PHLPP1: variants seen among roughly 807,000 people sequenced by gnomAD.
PHLPP1 encodes the protein PH domain and leucine rich repeat protein phosphatase 1.
In PHLPP1, 42 loss-of-function variants were observed where a neutral mutation model predicts 117.2. That is an observed-to-expected ratio of 0.36 (90% CI 0.28 to 0.46). PHLPP1 has a LOEUF of 0.46. PHLPP1 is among the 20% of genes least tolerant of loss of function. The pLI, the probability that PHLPP1 is intolerant of heterozygous loss-of-function variation, is 1.00. For missense variants in PHLPP1, 2,084 were observed against 2,241.9 expected (o/e 0.93, Z 1.42); for synonymous variants, 1,042 against 970.7 (o/e 1.07, Z -1.37).
intron 2 of PHLPP1, among the ~76,000 whole-genome samples, chr18:62,832,999 T>C (rs941531593): frequency 1.3e-5 from 2 of 152,234 alleles, no homozygotes; most frequent in Non-Finnish European, 2.9e-5. Flanking sequence ...ATTTAATAGA[T>C]ACATTTATAT....
chr18:62,835,153 C>G (rs1914856255), intron 2 of PHLPP1, among the ~76,000 whole-genome samples: 1 of 150,018 alleles, frequency 6.7e-6, no homozygotes, highest in African/African-American at 2.4e-5. Flanking sequence ...GCAGGAAGAT[C>G]TAGTACAGTG....
At chr18:62,799,862 A>G (rs1414231148) in intron 1 of PHLPP1, among the ~76,000 whole-genome samples, 2 of 152,230 alleles carry the variant, frequency 1.3e-5, no homozygotes, top group East Asian at 1.9e-4. Flanking sequence ...CTTTTTAACA[A>G]GTATAATAGT....
At chr18:62,882,661 A>G (rs1303503172) in intron 4 of PHLPP1, among the ~76,000 whole-genome samples, 1 of 152,208 alleles carries the variant, frequency 6.6e-6, no homozygotes, top group Non-Finnish European at 1.5e-5. Context: ...GATAAAAAAG[A>G]AAAGTTACTC....
At chr18:62,868,487 T>C (rs1599092773) in intron 4 of PHLPP1, among the ~76,000 whole-genome samples, 1 of 152,032 alleles carries the variant, frequency 6.6e-6, no homozygotes, top group South Asian at 2.1e-4. Context: ...CTAGGCGTCA[T>C]GGCGCACACC....
intron 7 of PHLPP1, among the ~76,000 whole-genome samples, chr18:62,904,777 T>C (rs1018044266): frequency 1.3e-5 from 2 of 152,236 alleles, no homozygotes; most frequent in East Asian, 1.9e-4. Flanking sequence ...TCATATTTCA[T>C]AAAGTGTTCA....
chr18:62,858,955 C>A (rs1915564550), intron 3 of PHLPP1, among the ~76,000 whole-genome samples: 1 of 152,118 alleles, frequency 6.6e-6, no homozygotes, highest in South Asian at 2.1e-4. Flanking sequence ...AAAACTGGAT[C>A]TTAGATCAGT....
intron 6 of PHLPP1, 56 bp downstream of exon 6, chr18:62,896,067 T>C: frequency 9.3e-7 from 1 of 1,080,880 alleles, no homozygotes. Context: ...ATTGCAGGGG[T>C]GGGGAGTAGG....
chr18:62,772,529 T>A (rs1177107466), intron 1 of PHLPP1, among the ~76,000 whole-genome samples: 5 of 152,128 alleles, frequency 3.3e-5, no homozygotes, highest in Admixed American at 6.5e-5. Context: ...TTATTGTTTT[T>A]AAAAAATAAT....
chr18:62,895,607 T>C (rs1916538894), intron 5 of PHLPP1, among the ~76,000 whole-genome samples, 174 bp from the exon 6 acceptor site: 1 of 152,262 alleles, frequency 6.6e-6, no homozygotes, highest in Non-Finnish European at 1.5e-5. Context: ...TTAAGATGCT[T>C]ATCTCTGATT....
chr18:62,876,588 A>G (rs765688199), intron 4 of PHLPP1, among the ~76,000 whole-genome samples: 5 of 152,228 alleles, frequency 3.3e-5, no homozygotes, highest in Admixed American at 6.5e-5. Flanking sequence ...ACCAAGGATA[A>G]TCAAAATAAT....
chr18:62,875,390 CT>C (rs1362006330), intron 4 of PHLPP1, among the ~76,000 whole-genome samples: 4 of 152,144 alleles, frequency 2.6e-5, no homozygotes, highest in Non-Finnish European at 5.9e-5. Context: ...CTATTGTCCC[CT>C]GACAGTTTTA....
At chr18:62,833,427 G>T (rs1914806673) in intron 2 of PHLPP1, among the ~76,000 whole-genome samples, 1 of 152,120 alleles carries the variant, frequency 6.6e-6, no homozygotes, top group Admixed American at 6.6e-5. Context: ...ATAATAAATT[G>T]AAGAATTGTC....
At chr18:62,902,606 GA>G (rs1916751141) in intron 6 of PHLPP1, among the ~76,000 whole-genome samples, 1 of 152,208 alleles carries the variant, frequency 6.6e-6, no homozygotes, top group African/African-American at 2.4e-5. Flanking sequence ...GTATGGTGTA[GA>G]TAGTTTCACA....
intron 1 of PHLPP1, among the ~76,000 whole-genome samples, chr18:62,743,012 C>G (rs1911575239): frequency 6.6e-6 from 1 of 152,102 alleles, no homozygotes; most frequent in African/African-American, 2.4e-5. Flanking sequence ...TGGAATACAG[C>G]ATTCTAATTT....
chr18:62,878,962 C>T (rs1916109360), intron 4 of PHLPP1, among the ~76,000 whole-genome samples: 1 of 152,196 alleles, frequency 6.6e-6, no homozygotes, highest in Non-Finnish European at 1.5e-5. Context: ...AACCACAGGG[C>T]TTCTTTCTCC....
chr18:62,941,955 T>G (rs1377261450), intron 11 of PHLPP1, 37 bp downstream of exon 11: 3 of 1,491,008 alleles, frequency 2.0e-6, no homozygotes, highest in South Asian at 2.3e-5. Flanking sequence ...CTGAATTGCA[T>G]TTCTCAAAGT....
At chr18:62,880,816 C>T (rs1916157213) in intron 4 of PHLPP1, among the ~76,000 whole-genome samples, 1 of 152,188 alleles carries the variant, frequency 6.6e-6, no homozygotes, top group Non-Finnish European at 1.5e-5. Context: ...TTAGTTCAGG[C>T]TTACTATAGA....
intron 1 of PHLPP1, among the ~76,000 whole-genome samples, chr18:62,766,100 T>A (rs865884241): frequency 1.2e-4 from 10 of 81,624 alleles, no homozygotes; most frequent in Non-Finnish European, 2.4e-4. Flanking sequence ...TATATATATA[T>A]ATAAAATATA....
chr18:62,861,259 A>C (rs1340033597), intron 4 of PHLPP1, among the ~76,000 whole-genome samples: 1 of 151,994 alleles, frequency 6.6e-6, no homozygotes, highest in Non-Finnish European at 1.5e-5. Context: ...ACAGGCGCCC[A>C]CGCCCTCTTA....
Sources: allele counts gnomAD v4.1 joint callset (sites outside exome capture counted in the v4.1 genomes callset), GRCh38; gene constraint gnomAD v4.1.1; transcripts MANE v1.5; gene names NCBI Gene and HGNC (gene_info 2026-07-23, HGNC 2026-07-21).